The following PTPRO variants were observed in gnomAD, a reference collection of about 807,000 sequenced individuals.
The protein encoded by PTPRO is receptor-type tyrosine-protein phosphatase O.
Under a neutral mutation model 145.2 loss-of-function variants are expected in PTPRO, and 62 were observed. The ratio of observed to expected loss-of-function variants is 0.43; its 90% CI spans 0.35 to 0.53. PTPRO has a LOEUF of 0.53. Among genes scored for constraint, PTPRO ranks in the 20% least tolerant of loss-of-function variants. PTPRO has a pLI of 0.01. For synonymous variants in PTPRO, 565 were observed against 514.7 expected, an observed-to-expected ratio of 1.10 and a Z score of -1.32; for missense variants, 1,345 against 1,482.7, an observed-to-expected ratio of 0.91 and a Z score of 1.53.
In PTPRO at chr12:15,438,687, C is replaced by A. The variant is rs191883616; in HGVS notation, c.76-45287C>A. On this transcript the variant is annotated intron_variant, in intron 1 of 26. Transcript: ENST00000281171. ...ATGAAGAATTTTAAAAATGAGCAGT[C>A]CTCATGAAATATGGGATTATGTAAG... Among the ~76,000 whole-genome samples the A allele has an allele frequency of 3.3e-5, 5 of 151,856 alleles. No individual in the cohort carries two copies. In the East Asian group the frequency reaches 7.8e-4, roughly 24 times the overall value.
intron 17 of PTPRO, 88 bp downstream of exon 17, chr12:15,560,364 A>G (rs1203218722): frequency 6.0e-6 from 6 of 1,006,760 alleles, no homozygotes; most frequent in Non-Finnish European, 9.3e-6. Flanking sequence ...CTTTTTAACT[A>G]TTTTGTATGT....
chr12:15,340,923 G>A (rs1044022183), intron 1 of PTPRO, among the ~76,000 whole-genome samples: 2 of 152,078 alleles, frequency 1.3e-5, no homozygotes, highest in African/African-American at 4.8e-5. Flanking sequence ...AGTGTTCTGT[G>A]TTCCTCTCAG....
At position 15,413,435 on chromosome 12, in the gene PTPRO, T is replaced by C. The variant is rs11056462; in HGVS notation, c.76-70539T>C. ...AATTAATGATTGGGTGTGATTTATGTAGTGAATGATTATATGCTTTAAATA... is the reference window on the plus strand; with the variant it reads ...AATTAATGATTGGGTGTGATTTATGCAGTGAATGATTATATGCTTTAAATA... On this transcript the variant is annotated intron_variant, in intron 1 of 26. Transcript: ENST00000281171. Among the ~76,000 whole-genome samples the C allele has an allele frequency of 2.0e-3, 299 of 152,314 alleles. 15 individuals are homozygous for C. The East Asian group carries it at 0.049, about 25-fold the overall frequency.
intron 7 of PTPRO, 85 bp downstream of exon 7, chr12:15,508,852 A>T: frequency 7.2e-7 from 1 of 1,379,334 alleles, no homozygotes; most frequent in Non-Finnish European, 1.0e-6. Context: ...AATTGTAGGA[A>T]GCCAGGCTGA....
At chr12:15,516,461 AAGAG>A (rs1477356182) in intron 8 of PTPRO, among the ~76,000 whole-genome samples, 5 of 147,836 alleles carry the variant, frequency 3.4e-5, no homozygotes, top group Non-Finnish European at 7.5e-5. Context: ...GAGAGTGAGA[AAGAG>A]AGAGAAAAAG....
At chr12:15,536,484 A>G (rs10444436) in intron 12 of PTPRO, among the ~76,000 whole-genome samples, 108,006 of 152,118 alleles carry the variant, frequency 0.71, 39,243 homozygotes, top group East Asian at 0.94. Context: ...TGTGGCTGCA[A>G]TGGAACAAAC....
intron 1 of PTPRO, among the ~76,000 whole-genome samples, chr12:15,443,232 A>T (rs578216778): frequency 6.6e-6 from 1 of 152,282 alleles, no homozygotes; most frequent in Non-Finnish European, 1.5e-5. Flanking sequence ...AAAAATAAGC[A>T]ACAGGGAAAT....
intron 13 of PTPRO, 23 bp downstream of exon 13, chr12:15,546,731 T>A (rs758651929): frequency 1.2e-6 from 2 of 1,613,422 alleles, no homozygotes; most frequent in Non-Finnish European, 1.7e-6. Flanking sequence ...TTGATCTACC[T>A]TTTCTCAGTT....
At chr12:15,481,650 T>A (rs142946860) in intron 1 of PTPRO, among the ~76,000 whole-genome samples, 150 of 152,282 alleles carry the variant, frequency 9.9e-4, no homozygotes, top group African/African-American at 3.5e-3. Context: ...TTAGAGTACT[T>A]ATGGTCTAGT....
At chr12:15,499,407 C>A (rs1186819203) in intron 3 of PTPRO, 35 bp from the exon 4 acceptor site, 1 of 1,593,734 alleles carries the variant, frequency 6.3e-7, no homozygotes, top group South Asian at 1.1e-5. Context: ...GTTTAGAAGA[C>A]CATATTTTTC....
At chr12:15,548,068 G>T (rs1229097703) in intron 13 of PTPRO, among the ~76,000 whole-genome samples, 1 of 152,090 alleles carries the variant, frequency 6.6e-6, no homozygotes, top group African/African-American at 2.4e-5. Context: ...TGCAGACAAA[G>T]GTGTAGTGTC....
chr12:15,544,276 A>T (rs867335249), intron 12 of PTPRO, among the ~76,000 whole-genome samples: 1 of 151,950 alleles, frequency 6.6e-6, no homozygotes, highest in Non-Finnish European at 1.5e-5. Context: ...AGGCAGAGGC[A>T]GGCAGATCAC....
chr12:15,423,149 G>A (rs1055257749), intron 1 of PTPRO, among the ~76,000 whole-genome samples: 4 of 152,154 alleles, frequency 2.6e-5, no homozygotes, highest in South Asian at 2.1e-4. Context: ...CCCCCAGGAT[G>A]CAAGAGAGGA....
chr12:15,537,590 T>C (rs973585168), intron 12 of PTPRO, among the ~76,000 whole-genome samples: 2 of 152,028 alleles, frequency 1.3e-5, no homozygotes, highest in Admixed American at 1.3e-4. Flanking sequence ...GGCATTTGGG[T>C]GCCATGGTGA....
intron 1 of PTPRO, among the ~76,000 whole-genome samples, chr12:15,327,338 G>T (rs1029696899): frequency 3.3e-5 from 5 of 152,084 alleles, no homozygotes; most frequent in African/African-American, 9.7e-5. Flanking sequence ...ACATACTAGG[G>T]GAAATTGATT....
At chr12:15,400,002 G>T (rs1939445168) in intron 1 of PTPRO, among the ~76,000 whole-genome samples, 1 of 139,692 alleles carries the variant, frequency 7.2e-6, no homozygotes, top group African/African-American at 2.7e-5. Context: ...AGTGAGCCCA[G>T]ATTGCACTAG....
intron 1 of PTPRO, among the ~76,000 whole-genome samples, chr12:15,336,231 TAA>T (rs201694522): frequency 6.8e-6 from 1 of 146,384 alleles, no homozygotes; most frequent in Admixed American, 6.8e-5. Context: ...GTGTGTATGT[TAA>T]AAAAAAAAAA....
intron 1 of PTPRO, among the ~76,000 whole-genome samples, chr12:15,404,731 C>T (rs1380090415): frequency 6.6e-6 from 1 of 152,214 alleles, no homozygotes; most frequent in African/African-American, 2.4e-5. Flanking sequence ...CTCTAAAATG[C>T]ATATTCTTTT....
intron 12 of PTPRO, among the ~76,000 whole-genome samples, chr12:15,529,899 T>C (rs1431431163): frequency 6.6e-6 from 1 of 152,200 alleles, no homozygotes; most frequent in African/African-American, 2.4e-5. Flanking sequence ...GTATATGGTC[T>C]CAATTCTCAA....
Sources: gnomAD v4.1 joint callset for allele counts (sites outside exome capture counted in the v4.1 genomes callset) on GRCh38, gnomAD v4.1.1 for gene constraint, MANE v1.5 for transcripts, NCBI Gene and HGNC (gene_info 2026-07-23, HGNC 2026-07-21) for gene names.